The following DIPK1A variants were observed in gnomAD, a reference collection of about 807,000 sequenced individuals.
The protein encoded by DIPK1A is family with sequence similarity 69 member A.
A neutral mutation model predicts 40.8 loss-of-function variants in DIPK1A; 27 were observed. That is an observed-to-expected ratio of 0.66 (90% CI 0.49 to 0.91). The LOEUF is 0.91. Among genes scored for constraint, DIPK1A ranks in the 40% least tolerant of loss-of-function variants. DIPK1A has a pLI of 0.00. For missense variants in DIPK1A, 412 were observed against 505.7 expected (o/e 0.81, Z 1.78); for synonymous variants, 166 against 171.3 (o/e 0.97, Z 0.24).
chr1:92,959,448 CTT>C (rs1012376544), intron 1 of DIPK1A, among the ~76,000 whole-genome samples: 8 of 115,456 alleles, frequency 6.9e-5, no homozygotes, highest in African/African-American at 1.9e-4. Flanking sequence ...CAGTAAAACA[CTT>C]TTTTTTTTTT....
chr1:92,840,760 G>A (rs10874744), downstream of DIPK1A: 522,177 of 795,566 alleles, frequency 0.66, 176,190 homozygotes, highest in East Asian at 0.96. Context: ...TGGCAGAAGC[G>A]AAGGGAACCA....
chr1:92,892,434 G>A (rs565133143), intron 1 of DIPK1A, among the ~76,000 whole-genome samples: 36 of 152,220 alleles, frequency 2.4e-4, no homozygotes, highest in Middle Eastern at 6.8e-3. Flanking sequence ...AACTGCAGCT[G>A]AGGGTCCTAA....
intron 1 of DIPK1A, among the ~76,000 whole-genome samples, chr1:92,941,137 T>C (rs181862961): frequency 2.0e-5 from 3 of 152,326 alleles, no homozygotes; most frequent in South Asian, 4.1e-4. Context: ...AATTTATCAA[T>C]TTTTCCTTTA....
At chr1:92,923,557 T>A (rs2100858044) in intron 1 of DIPK1A, among the ~76,000 whole-genome samples, 1 of 152,330 alleles carries the variant, frequency 6.6e-6, no homozygotes, top group East Asian at 1.9e-4. Flanking sequence ...AGAGAGTTGC[T>A]CTTCCTCTAA....
At chr1:92,910,085 G>A (rs1051149456) in intron 1 of DIPK1A, among the ~76,000 whole-genome samples, 6 of 152,126 alleles carry the variant, frequency 3.9e-5, no homozygotes, top group South Asian at 2.1e-4. Flanking sequence ...TGTTGATTCC[G>A]AGCAAGTAAA....
intron 1 of DIPK1A, among the ~76,000 whole-genome samples, chr1:92,912,218 G>A (rs1259696453): frequency 6.6e-6 from 1 of 151,800 alleles, no homozygotes; most frequent in Non-Finnish European, 1.5e-5. Context: ...GAAATGTATC[G>A]ATATAAGGAT....
chr1:92,894,439 T>C lies in DIPK1A; in HGVS notation c.55-18009A>G, dbSNP rs541710636. Among the ~76,000 whole-genome samples, 159 of 152,204 alleles carry C rather than the reference T, an allele frequency of 1.0e-3. 2 individuals carry two copies. Among genetic ancestry groups the C allele is most frequent in the African/African-American group, 3.6e-3 (150 of 41,462 alleles). On this transcript the variant is annotated intron_variant, in intron 1 of 4. Coordinates refer to ENST00000370310, the MANE Select transcript of DIPK1A (RefSeq NM_001006605.5). ...AATGAAATGAAGGCAGAAATAAAGA[T>C]GTTCTTTGAAACCAACAAGAACAAA... is the stretch of plus-strand genomic sequence containing the variant.
intron 2 of DIPK1A, among the ~76,000 whole-genome samples, chr1:92,853,875 A>C (rs1687899746): frequency 6.6e-6 from 1 of 152,126 alleles, no homozygotes; most frequent in African/African-American, 2.4e-5. Flanking sequence ...TGAATTAATA[A>C]AAACTGATTT....
Position 92,924,852 on chromosome 1 carries a change from A to T in DIPK1A, c.54+36524T>A, listed in dbSNP as rs538025463. 6.6e-5 allele frequency among the ~76,000 whole-genome samples: 10 copies of T among 152,344 alleles called. No individual in the cohort carries two copies. In the South Asian group the frequency reaches 1.7e-3, roughly 25 times the overall value. On this transcript the variant is annotated intron_variant, in intron 1 of 4. Transcript: ENST00000370310. ...TGGAATGCTGAGTTGGTCATGTCCCATGGGCCTTCGGCTCCCTGCACTTGC... is the reference window on the plus strand; with the variant it reads ...TGGAATGCTGAGTTGGTCATGTCCCTTGGGCCTTCGGCTCCCTGCACTTGC...
intron 4 of DIPK1A, chr1:92,835,207 A>G: frequency 4.3e-6 from 2 of 470,580 alleles, no homozygotes; most frequent in Non-Finnish European, 7.8e-6. Flanking sequence ...GCTAGTGTCT[A>G]CTTAATTGGA....
At chr1:92,907,179 A>G (rs1191803480) in intron 1 of DIPK1A, among the ~76,000 whole-genome samples, 2 of 152,230 alleles carry the variant, frequency 1.3e-5, no homozygotes, top group Non-Finnish European at 2.9e-5. Flanking sequence ...AAGTTGAACA[A>G]AACAGGGCAA....
intron 1 of DIPK1A, among the ~76,000 whole-genome samples, chr1:92,912,943 A>T (rs35992170): frequency 0.3 from 43,619 of 145,288 alleles, 7,001 homozygotes; most frequent in Non-Finnish European, 0.37. Context: ...TCTATGAAAT[A>T]AAAAAAAAAA....
At chr1:92,862,745 T>G (rs975442179) in intron 2 of DIPK1A, among the ~76,000 whole-genome samples, 1 of 152,210 alleles carries the variant, frequency 6.6e-6, no homozygotes, top group Non-Finnish European at 1.5e-5. Flanking sequence ...ATACAAGGTC[T>G]GTTATGAGTT....
At chr1:92,958,934 A>T (rs1414069770) in intron 1 of DIPK1A, among the ~76,000 whole-genome samples, 1 of 152,210 alleles carries the variant, frequency 6.6e-6, no homozygotes, top group Non-Finnish European at 1.5e-5. Flanking sequence ...TTTATCTATT[A>T]GAAATGTATA....
chr1:92,891,585 T>G (rs996863808), intron 1 of DIPK1A, among the ~76,000 whole-genome samples: 1 of 152,194 alleles, frequency 6.6e-6, no homozygotes, highest in Non-Finnish European at 1.5e-5. Context: ...GCATGAGCGA[T>G]GCAGAACACA....
intron 2 of DIPK1A, among the ~76,000 whole-genome samples, chr1:92,854,010 C>T (rs1432443319): frequency 2.5e-4 from 38 of 152,304 alleles, no homozygotes; most frequent in Non-Finnish European, 1.5e-4. Context: ...CCTCAGTCTC[C>T]CGAGTAGCTG....
At chr1:92,841,715 T>A (rs1687370964), downstream of DIPK1A, 1 of 1,160,822 alleles carries the variant, frequency 8.6e-7, no homozygotes, top group Non-Finnish European at 1.2e-6. Flanking sequence ...AATTAAATAT[T>A]CTATTCTCTT....
intron 1 of DIPK1A, among the ~76,000 whole-genome samples, chr1:92,880,324 T>C (rs1475603036): frequency 6.6e-6 from 1 of 152,174 alleles, no homozygotes; most frequent in Non-Finnish European, 1.5e-5. Context: ...TATAATAACA[T>C]CTGTCTGGAA....
At chr1:92,857,034 C>T (rs368667441) in intron 2 of DIPK1A, among the ~76,000 whole-genome samples, 11 of 152,250 alleles carry the variant, frequency 7.2e-5, no homozygotes, top group Non-Finnish European at 1.2e-4. Context: ...TTCAGAATGA[C>T]GTGAGCAGTT....
Sources: allele counts gnomAD v4.1 joint callset (sites outside exome capture counted in the v4.1 genomes callset), GRCh38; gene constraint gnomAD v4.1.1; transcripts MANE v1.5; gene names NCBI Gene and HGNC (gene_info 2026-07-23, HGNC 2026-07-21).